The following DROSHA variants were observed in gnomAD, a reference collection of about 807,000 sequenced individuals.
DROSHA encodes ribonuclease 3.
In DROSHA, 56 loss-of-function variants were observed where a neutral mutation model predicts 181.9. That is an observed-to-expected ratio of 0.31 (90% CI 0.25 to 0.38). The LOEUF is 0.38. Among genes scored for constraint, DROSHA ranks in the 10% least tolerant of loss-of-function variants. The pLI, the probability that DROSHA is intolerant of heterozygous loss-of-function variation, is 1.00. For missense variants in DROSHA, 1,218 were observed against 1,743.5 expected (o/e 0.70, Z 5.37); for synonymous variants, 524 against 591.2 (o/e 0.89, Z 1.65).
intron 13 of DROSHA, among the ~76,000 whole-genome samples, chr5:31,488,139 G>A (rs62348722): frequency 0.48 from 72,445 of 151,952 alleles, 20,982 homozygotes; most frequent in Non-Finnish European, 0.65. Flanking sequence ...AGGAGGGGCC[G>A]GGCACGGTGG....
intron 11 of DROSHA, among the ~76,000 whole-genome samples, chr5:31,503,008 T>A (rs1245666461): frequency 6.6e-6 from 1 of 152,038 alleles, no homozygotes; most frequent in Admixed American, 6.6e-5. Context: ...TGAGAAGGTC[T>A]TGGGGTAGAG....
Position 31,526,544 on chromosome 5 carries a change from G to A in DROSHA, c.389C>T (p.Pro130Leu). ...MPPPMPCPNN[P>L]PVPGAPPGQG... The stretch of plus-strand genomic sequence containing the variant: ...TCCAGGAGGTGCCCCAGGGACTGGG[G>A]GGTTATTAGGACAAGGCATTGGTGG... Residue 130 changes from proline (P) to leucine (L), a missense_variant, in exon 5 of 36, where the codon CCC (proline) becomes CTC (leucine). Transcript: ENST00000344624. 6.4e-7 allele frequency: 1 copy of A among 1,552,708 alleles called. No homozygotes were observed.
At position 31,421,256 on chromosome 5, in the gene DROSHA, G is replaced by T; in HGVS notation, c.3525+16C>A. ...TTACAGCAATCTTATTGGAGGAAGTGATTTAACCAACTCACAGTTAAGTGT... is the reference window on the plus strand; with the variant it reads ...TTACAGCAATCTTATTGGAGGAAGTTATTTAACCAACTCACAGTTAAGTGT... On this transcript the variant is annotated intron_variant, in intron 30 of 35. Coordinates refer to ENST00000344624, the MANE Select transcript of DROSHA (RefSeq NM_001382508.1). 6.3e-7 allele frequency: 1 copy of T among 1,594,038 alleles called. No homozygotes were observed.
chr5:31,518,886 C>T (rs901931553), intron 6 of DROSHA, among the ~76,000 whole-genome samples: 1 of 152,216 alleles, frequency 6.6e-6, no homozygotes, highest in African/African-American at 2.4e-5. Flanking sequence ...TCCTTTTAAG[C>T]AGGCGTTGTG....
chr5:31,486,979 A>G (rs902046596), intron 13 of DROSHA, among the ~76,000 whole-genome samples: 1 of 152,246 alleles, frequency 6.6e-6, no homozygotes, highest in Non-Finnish European at 1.5e-5. Flanking sequence ...TTATGGATTC[A>G]TAGGTCACTG....
chr5:31,525,278 C>T (rs1317908351), intron 5 of DROSHA, among the ~76,000 whole-genome samples: 1 of 138,058 alleles, frequency 7.2e-6, no homozygotes, highest in African/African-American at 2.7e-5. Context: ...TGTAGTGAGC[C>T]GAGACTGCGC....
intron 16 of DROSHA, among the ~76,000 whole-genome samples, chr5:31,480,281 G>A (rs1052831396): frequency 6.7e-6 from 1 of 148,732 alleles, no homozygotes; most frequent in Admixed American, 6.8e-5. Flanking sequence ...CTATATAGTA[G>A]TGAGAATGAG....
At chr5:31,403,317 C>T (rs1740252911) in intron 35 of DROSHA, among the ~76,000 whole-genome samples, 1 of 152,144 alleles carries the variant, frequency 6.6e-6, no homozygotes, top group African/African-American at 2.4e-5. Context: ...TCACATTTAA[C>T]TATTGATAAA....
chr5:31,404,535 G>A (rs529469689), intron 35 of DROSHA, among the ~76,000 whole-genome samples: 46 of 152,150 alleles, frequency 3.0e-4, no homozygotes, highest in Middle Eastern at 6.8e-3. Flanking sequence ...TTAGCTTCCC[G>A]CATTTTGCTG....
At chr5:31,501,276 A>G (rs1444216106) in intron 11 of DROSHA, among the ~76,000 whole-genome samples, 2 of 152,112 alleles carry the variant, frequency 1.3e-5, no homozygotes, top group Non-Finnish European at 2.9e-5. Context: ...TAATAAATGG[A>G]TCTTGGTCAA....
intron 21 of DROSHA, among the ~76,000 whole-genome samples, chr5:31,450,960 G>T (rs1746923093): frequency 6.6e-6 from 1 of 152,176 alleles, no homozygotes; most frequent in Non-Finnish European, 1.5e-5. Context: ...CCAGCATTTT[G>T]GGAGGCCAAG....
intron 33 of DROSHA, chr5:31,408,621 G>T (rs971548983): frequency 1.2e-5 from 2 of 161,532 alleles, no homozygotes; most frequent in South Asian, 1.7e-4. Flanking sequence ...GCCAATAGGG[G>T]TTCAGGGAAA....
intron 23 of DROSHA, among the ~76,000 whole-genome samples, chr5:31,447,361 C>T (rs567155363): frequency 1.3e-5 from 2 of 152,276 alleles, no homozygotes; most frequent in African/African-American, 4.8e-5. Flanking sequence ...TAACAAACTG[C>T]ACTTTAAATA....
intron 21 of DROSHA, among the ~76,000 whole-genome samples, chr5:31,450,967 C>A (rs1462718078): frequency 6.6e-6 from 1 of 152,112 alleles, no homozygotes; most frequent in Non-Finnish European, 1.5e-5. Context: ...TTTGGGAGGC[C>A]AAGGCAGGCA....
chr5:31,463,240 G>A (rs1019150229), intron 20 of DROSHA, among the ~76,000 whole-genome samples: 1 of 152,108 alleles, frequency 6.6e-6, no homozygotes, highest in Non-Finnish European at 1.5e-5. Flanking sequence ...TGAAAATAGG[G>A]CAATATTACA....
intron 16 of DROSHA, among the ~76,000 whole-genome samples, chr5:31,478,728 C>CTT (rs1750688308): frequency 1.3e-5 from 2 of 152,164 alleles, no homozygotes; most frequent in Admixed American, 6.5e-5. Flanking sequence ...GAGTGAGACT[C>CTT]TGTCTCAAAA....
At chr5:31,523,930 G>A (rs541216713) in intron 5 of DROSHA, among the ~76,000 whole-genome samples, 12 of 143,912 alleles carry the variant, frequency 8.3e-5, no homozygotes, top group East Asian at 4.2e-4. Flanking sequence ...AGCCGAGATC[G>A]CGCCATCACA....
rs982241975 is a variant in DROSHA at position 31,476,845 on chromosome 5, A to G, written c.2072-4613T>C. On this transcript the variant is annotated intron_variant, in intron 16 of 35. Coordinates refer to ENST00000344624, the MANE Select transcript of DROSHA (RefSeq NM_001382508.1). ...ATAAACATTTGTGGAATGACTTTCT[A>G]AAGCAGACTAATAACTTGGCCACTC... 3.3e-5 allele frequency among the ~76,000 whole-genome samples: 5 copies of G among 152,312 alleles called. No individual in the cohort carries two copies. In the South Asian group the frequency reaches 1.0e-3, roughly 32 times the overall value.
At chr5:31,430,923 T>A (rs1239755114) in intron 26 of DROSHA, among the ~76,000 whole-genome samples, 1 of 152,094 alleles carries the variant, frequency 6.6e-6, no homozygotes. Flanking sequence ...AAGTTGTCAA[T>A]CTACTGTAAC....
Sources: gnomAD v4.1 joint callset for allele counts (sites outside exome capture counted in the v4.1 genomes callset) on GRCh38, gnomAD v4.1.1 for gene constraint, MANE v1.5 for transcripts, NCBI Gene and HGNC (gene_info 2026-07-23, HGNC 2026-07-21) for gene names.